Variants in MLLT10 observed in about 807,000 individuals in gnomAD.
MLLT10 encodes the protein protein AF-10.
MLLT10 carries 30 observed loss-of-function variants against 129.1 expected under a neutral mutation model. That is an observed-to-expected ratio of 0.23 (90% CI 0.17 to 0.32). MLLT10 has a LOEUF of 0.32. MLLT10 is among the 10% of genes least tolerant of loss of function. The pLI, the probability that MLLT10 is intolerant of heterozygous loss-of-function variation, is 1.00. For synonymous variants in MLLT10, 490 were observed against 446.4 expected, an observed-to-expected ratio of 1.10 and a Z score of -1.23; for missense variants, 1,119 against 1,268.3, an observed-to-expected ratio of 0.88 and a Z score of 1.79.
rs145430707 is a variant in MLLT10, at chr10:21,609,881, T to A, written c.406-2467T>A. Among the ~76,000 whole-genome samples, 1,357 of 151,506 alleles carry A rather than the reference T, an allele frequency of 9.0e-3. 30 individuals carry two copies. Among genetic ancestry groups the A allele is most frequent in the African/African-American group, 0.031 (1,265 of 41,396 alleles). On this transcript the variant is annotated intron_variant, in intron 5 of 22. Transcript: ENST00000307729. The stretch of plus-strand genomic sequence containing the variant: ...AGAGTACAGTGTGATGTTTTCTCTC[T>A]CACACACACACACACGCACATACAC...
rs974886064 is a variant in MLLT10 at position 21,742,100 on chromosome 10, A to C, written c.*117A>C. 7 of 873,982 alleles carry C rather than the reference A, an allele frequency of 8.0e-6. No individual in the cohort carries two copies. Among genetic ancestry groups the C allele is most frequent in the Middle Eastern group, 2.2e-4 (1 of 4,540 alleles). 54.1% of individuals were successfully genotyped at this position (873,982 alleles called of 1,614,324 possible). A position where few individuals can be genotyped will look rare whatever the true frequency, so the allele number is the denominator to read the frequency against. On this transcript the variant is annotated 3_prime_UTR_variant, in exon 23 of 23. Transcript: ENST00000307729. ...CGCAACAAGAAACTCAATGCACAAC[A>C]AAGGATTAATTGCTGCAAGGACATT... is the stretch of plus-strand genomic sequence containing the variant.
chr10:21,553,444 G>C (rs1450198467), intron 3 of MLLT10, among the ~76,000 whole-genome samples: 1 of 151,166 alleles, frequency 6.6e-6, no homozygotes, highest in Non-Finnish European at 1.5e-5. Context: ...TCCTTCCTCA[G>C]CCTCCCGAGT....
At chr10:21,611,338 A>C (rs1333892730) in intron 5 of MLLT10, among the ~76,000 whole-genome samples, 2 of 151,678 alleles carry the variant, frequency 1.3e-5, no homozygotes, top group Non-Finnish European at 2.9e-5. Context: ...AGGAGTTGAA[A>C]TCATGTACCT....
At chr10:21,544,530 A>C (rs1027951847) in intron 3 of MLLT10, among the ~76,000 whole-genome samples, 3 of 152,172 alleles carry the variant, frequency 2.0e-5, no homozygotes, top group Admixed American at 2.0e-4. Context: ...AAAGTAAAGG[A>C]GCATTTTCAG....
At chr10:21,682,069 A>G (rs2052795759) in intron 12 of MLLT10, among the ~76,000 whole-genome samples, 156 bp from the exon 13 acceptor site, 1 of 152,222 alleles carries the variant, frequency 6.6e-6, no homozygotes, top group Non-Finnish European at 1.5e-5. Context: ...TATACCATGT[A>G]AAAATGGAGC....
At chr10:21,628,488 T>C (rs2046683876) in intron 8 of MLLT10, among the ~76,000 whole-genome samples, 1 of 142,454 alleles carries the variant, frequency 7.0e-6, no homozygotes, top group Non-Finnish European at 1.5e-5. Flanking sequence ...CAGGCTGGAG[T>C]ACAGGTGTGC....
intron 3 of MLLT10, among the ~76,000 whole-genome samples, chr10:21,539,303 AT>A (rs1300880463): frequency 6.6e-6 from 1 of 152,044 alleles, no homozygotes; most frequent in Non-Finnish European, 1.5e-5. Context: ...AAACCCAATA[AT>A]TTTAGTGACT....
rs754445557 is a variant in MLLT10, at chr10:21,735,206, C to G, written c.2926C>G (p.Gln976Glu). 1.2e-6 allele frequency: 2 copies of G among 1,613,830 alleles called. No individual in the cohort carries two copies. Among genetic ancestry groups the G allele is most frequent in the Non-Finnish European group, 1.7e-6 (2 of 1,179,892 alleles). ...QILIHQQQFQ[Q>E]LLNSQQLTPE... ...ACTTATTCATCAACAGCAGTTTCAG[C>G]AGTTGTTAAATTCTCAACAGCTCAC... The change falls in exon 21 of 23, where the codon CAG (glutamine) becomes GAG (glutamate). Residue 976 changes from glutamine (Q) to glutamate (E), a missense_variant. Coordinates refer to ENST00000307729, the MANE Select transcript of MLLT10 (RefSeq NM_001195626.3).
intron 14 of MLLT10, 75 bp downstream of exon 14, chr10:21,714,025 A>T: frequency 1.5e-6 from 2 of 1,316,878 alleles, no homozygotes; most frequent in Non-Finnish European, 2.1e-6. Context: ...TTGGAGGAGA[A>T]ACAAATGACA....
chr10:21,644,467 G>A (rs2048299371), intron 8 of MLLT10, among the ~76,000 whole-genome samples: 1 of 152,024 alleles, frequency 6.6e-6, no homozygotes, highest in African/African-American at 2.4e-5. Flanking sequence ...GAGGAGGGGC[G>A]CAGTATAAGA....
chr10:21,727,997 A>G (rs1412977330), intron 16 of MLLT10, 69 bp downstream of exon 16: 21 of 1,267,268 alleles, frequency 1.7e-5, no homozygotes, highest in Non-Finnish European at 2.2e-5. Context: ...TTCTTATCTC[A>G]TATCAGTAGA....
intron 3 of MLLT10, among the ~76,000 whole-genome samples, chr10:21,574,075 T>C (rs2040487937): frequency 6.6e-6 from 1 of 152,184 alleles, no homozygotes; most frequent in Admixed American, 6.6e-5. Flanking sequence ...GATTGATTTA[T>C]AGTGTTTGAA....
chr10:21,697,761 A>G (rs2054513543), intron 13 of MLLT10, among the ~76,000 whole-genome samples: 2 of 152,328 alleles, frequency 1.3e-5, no homozygotes. Context: ...GATTAATTCT[A>G]TGGAGATATA....
At chr10:21,680,420 G>A (rs2052618772) in intron 11 of MLLT10, among the ~76,000 whole-genome samples, 1 of 151,786 alleles carries the variant, frequency 6.6e-6, no homozygotes, top group Non-Finnish European at 1.5e-5. Context: ...TGGGCAGGCT[G>A]GTCTCAAACT....
At chr10:21,631,115 C>T (rs2046959044) in intron 8 of MLLT10, among the ~76,000 whole-genome samples, 1 of 151,970 alleles carries the variant, frequency 6.6e-6, no homozygotes, top group East Asian at 1.9e-4. Context: ...TCGAGACCAT[C>T]CTGGCTAACA....
At chr10:21,560,128 C>G (rs1018653558) in intron 3 of MLLT10, among the ~76,000 whole-genome samples, 1 of 152,150 alleles carries the variant, frequency 6.6e-6, no homozygotes, top group African/African-American at 2.4e-5. Context: ...GCCTCAGTCT[C>G]CTGAGTAGCT....
At chr10:21,586,203 A>G in intron 3 of MLLT10, 91 bp from the exon 4 acceptor site, 4 of 988,130 alleles carry the variant, frequency 4.0e-6, no homozygotes, top group Non-Finnish European at 6.2e-6. Context: ...TGCTGCTCTC[A>G]CATTTTCAGT....
chr10:21,628,938 G>A (rs2046742709), intron 8 of MLLT10, among the ~76,000 whole-genome samples: 2 of 151,248 alleles, frequency 1.3e-5, no homozygotes, highest in African/African-American at 2.4e-5. Context: ...TAGTGGAGAC[G>A]GGGTTTCACC....
chr10:21,557,145 A>G, intron 3 of MLLT10: 1 of 1,360,332 alleles, frequency 7.4e-7, no homozygotes, highest in African/African-American at 1.5e-5. Context: ...TTCGCTGTTA[A>G]ACTTCCTGAA....
Sources: allele counts gnomAD v4.1 joint callset (sites outside exome capture counted in the v4.1 genomes callset), GRCh38; gene constraint gnomAD v4.1.1; transcripts MANE v1.5; gene names NCBI Gene and HGNC (gene_info 2026-07-23, HGNC 2026-07-21).